The following CYP20A1 variants were observed in gnomAD, a reference collection of about 807,000 sequenced individuals.
CYP20A1 encodes cytochrome P450 20A1.
In CYP20A1, 61 loss-of-function variants were observed where a neutral mutation model predicts 61.4. The ratio of observed to expected loss-of-function variants is 0.99; its 90% CI spans 0.81 to 1.23. CYP20A1 has a LOEUF of 1.23. Among genes scored for constraint, CYP20A1 ranks in the 50% most tolerant of loss-of-function variants. The probability of loss-of-function intolerance (pLI) is 0.00; values close to 1 mark genes in which losing one functional copy is unlikely to be tolerated. For missense variants in CYP20A1, 530 were observed against 542.4 expected (o/e 0.98, Z 0.23); for synonymous variants, 193 against 188.2 (o/e 1.03, Z -0.21).
rs1023866480 is a variant in CYP20A1 at position 203,297,698 on chromosome 2, C to G, written c.*790C>G. ...CTCTATTAAAAATACAGAAAATTGG[C>G]CGGGTGCGGTGGCTCACCCCTGTAA... is the stretch of plus-strand genomic sequence containing the variant. On this transcript the variant is annotated 3_prime_UTR_variant, in exon 13 of 13. Coordinates refer to ENST00000356079, the MANE Select transcript of CYP20A1 (RefSeq NM_177538.3). The G allele has an allele frequency of 6.6e-6, 1 of 151,518 alleles. No homozygotes were observed. The highest frequency in any genetic ancestry group is 1.5e-5 in the Non-Finnish European group (1 of 67,936). 9.4% of individuals were successfully genotyped at this position (151,518 alleles called of 1,614,324 possible).
At position 203,301,954 on chromosome 2, in the gene CYP20A1, C is replaced by T. The variant is rs1303421974; in HGVS notation, c.*5046C>T. Among the ~76,000 whole-genome samples the T allele has an allele frequency of 1.4e-5, 2 of 146,056 alleles. No homozygotes were observed. The highest frequency in any genetic ancestry group is 5.1e-5 in the African/African-American group (2 of 39,504). On this transcript the variant is annotated 3_prime_UTR_variant, in exon 13 of 13. Coordinates refer to ENST00000356079, the MANE Select transcript of CYP20A1 (RefSeq NM_177538.3). ...TTTTTTTTGTTTTGAGACTGAGTCC[C>T]GCTGTCTATTGCCCAGGCTGGAGTG...
rs1440024160 is a variant in CYP20A1, at chr2:203,252,120, A to G, written c.432+11A>G. ...GCCCTCCTCCTAAAGGTAAGGTGAT[A>G]AGTAGTTTGGTCTAGTGTTCTACAA... On this transcript the variant is annotated intron_variant, in intron 4 of 12. Transcript: ENST00000356079. 2.5e-6 allele frequency: 4 copies of G among 1,599,620 alleles called. No homozygotes were observed. Among genetic ancestry groups the G allele is most frequent in the Non-Finnish European group, 3.4e-6 (4 of 1,171,828 alleles).
rs1393141796 is a variant in CYP20A1, at chr2:203,303,666, G to T, written c.*6758G>T. On this transcript the variant is annotated 3_prime_UTR_variant, in exon 13 of 13. Coordinates refer to ENST00000356079, the MANE Select transcript of CYP20A1 (RefSeq NM_177538.3). ...GCCGAGATCGCGCCATTGCACTCCA[G>T]TGTGGGTGACGAGCGAAAATCCGTC... Among the ~76,000 whole-genome samples, 1 of 151,964 alleles carries T rather than the reference G, an allele frequency of 6.6e-6. No homozygotes were observed. Among genetic ancestry groups the T allele is most frequent in the Admixed American group, 6.6e-5 (1 of 15,246 alleles).
At position 203,278,676 on chromosome 2, in the gene CYP20A1, T is replaced by C. The variant is rs753651617; in HGVS notation, c.783T>C (p.Leu261=). The C allele has an allele frequency of 6.5e-7, 1 of 1,541,896 alleles. No homozygotes were observed. The highest frequency in any genetic ancestry group is 8.8e-7 in the Non-Finnish European group (1 of 1,131,822). Residue 261 remains leucine, a synonymous_variant, in exon 7 of 13, where the codon CTT becomes CTC. Coordinates refer to ENST00000356079, the MANE Select transcript of CYP20A1 (RefSeq NM_177538.3). The part of the protein sequence containing the change: ...IFIDSLVQGN[L]NDQQILEDSM... ...TTGACTCCTTAGTACAAGGGAACCT[T>C]AATGACCAACAGGTGATATAATTGT... is the stretch of plus-strand genomic sequence containing the variant.
At chr2:203,265,965 C>T (rs1247778051) in intron 4 of CYP20A1, among the ~76,000 whole-genome samples, 2 of 152,140 alleles carry the variant, frequency 1.3e-5, no homozygotes, top group Non-Finnish European at 2.9e-5. Context: ...GCTAGGATTA[C>T]AGGTATGAAC....
At chr2:203,256,932 C>G (rs894969556) in intron 4 of CYP20A1, among the ~76,000 whole-genome samples, 22 of 152,182 alleles carry the variant, frequency 1.4e-4, no homozygotes, top group African/African-American at 4.8e-4. Context: ...ACTCCAGCCT[C>G]CAGTTTAGTT....
intron 5 of CYP20A1, among the ~76,000 whole-genome samples, chr2:203,267,904 A>G (rs2067396750): frequency 6.6e-6 from 1 of 150,892 alleles, no homozygotes. Context: ...CCAGTTGCTG[A>G]TATTTATCCT....
At chr2:203,268,863 C>T (rs941074662) in intron 5 of CYP20A1, among the ~76,000 whole-genome samples, 8 of 152,012 alleles carry the variant, frequency 5.3e-5, no homozygotes, top group African/African-American at 1.7e-4. Context: ...TGGCCATTGT[C>T]GAGTCATGCC....
intron 9 of CYP20A1, among the ~76,000 whole-genome samples, chr2:203,287,623 T>C (rs1045897888): frequency 4.6e-5 from 7 of 152,124 alleles, no homozygotes; most frequent in Non-Finnish European, 8.8e-5. Context: ...GGAGGATCAC[T>C]TGGGCCTGGG....
chr2:203,267,262 G>A (rs937409560), intron 5 of CYP20A1, among the ~76,000 whole-genome samples: 3 of 152,144 alleles, frequency 2.0e-5, no homozygotes, highest in African/African-American at 4.8e-5. Flanking sequence ...GCTGGTTGTG[G>A]TGGCTCACAC....
chr2:203,294,465 A>T (rs1193260554), intron 11 of CYP20A1, among the ~76,000 whole-genome samples: 1 of 151,956 alleles, frequency 6.6e-6, no homozygotes, highest in Non-Finnish European at 1.5e-5. Context: ...GGTTGCAGTG[A>T]GCCGAGGTCA....
chr2:203,290,708 T>A (rs1360439984), intron 10 of CYP20A1, among the ~76,000 whole-genome samples: 2 of 152,186 alleles, frequency 1.3e-5, no homozygotes, highest in Non-Finnish European at 2.9e-5. Flanking sequence ...AGTTGTGCAA[T>A]CTTGGCTCAC....
intron 10 of CYP20A1, among the ~76,000 whole-genome samples, chr2:203,290,810 T>C (rs561274756): frequency 1.2e-4 from 18 of 151,956 alleles, no homozygotes; most frequent in African/African-American, 4.3e-4. Flanking sequence ...GCCTGGCTGA[T>C]TTTTATATTT....
rs551099316 is a variant in CYP20A1, at chr2:203,247,059, G to A, written c.289+138G>A. The stretch of plus-strand genomic sequence containing the variant: ...GTGGATCACATGAGGCCAGGAGTTC[G>A]AGACCAGCCTGGCCAACATGGTGAA... On this transcript the variant is annotated intron_variant, in intron 3 of 12. Transcript: ENST00000356079. 5.2e-5 allele frequency: 38 copies of A among 726,944 alleles called. No individual in the cohort carries two copies. The African/African-American group carries it at 5.8e-4, about 11-fold the overall frequency. 45.0% of individuals were successfully genotyped at this position (726,944 alleles called of 1,614,324 possible). A position where few individuals can be genotyped will look rare whatever the true frequency, so the allele number is the denominator to read the frequency against.
At chr2:203,245,321 C>A (rs770991097) in intron 1 of CYP20A1, among the ~76,000 whole-genome samples, 1 of 149,898 alleles carries the variant, frequency 6.7e-6, no homozygotes, top group African/African-American at 2.5e-5. Context: ...CCACTGCGCT[C>A]GGCTGAAATC....
intron 1 of CYP20A1, among the ~76,000 whole-genome samples, chr2:203,239,991 G>T (rs2066194634): frequency 6.6e-6 from 1 of 152,180 alleles, no homozygotes; most frequent in African/African-American, 2.4e-5. Context: ...AGCTACTCAG[G>T]AGGCTGAGGC....
chr2:203,271,527 C>A (rs189458550), intron 5 of CYP20A1, among the ~76,000 whole-genome samples: 38 of 152,118 alleles, frequency 2.5e-4, no homozygotes, highest in Non-Finnish European at 2.2e-4. Flanking sequence ...TCCCTAAATT[C>A]TTTTTAGAAC....
At chr2:203,246,005 G>A (rs190143597) in intron 2 of CYP20A1, 110 bp downstream of exon 2, 89 of 716,598 alleles carry the variant, frequency 1.2e-4, no homozygotes, top group African/African-American at 1.2e-3. Context: ...TACTGAGGAG[G>A]TTGAGGTGGA....
intron 1 of CYP20A1, among the ~76,000 whole-genome samples, chr2:203,242,747 C>T (rs963540829): frequency 6.6e-6 from 1 of 151,488 alleles, no homozygotes; most frequent in South Asian, 2.1e-4. Flanking sequence ...GCCAAGATGG[C>T]GCCATTGCAC....
Sources: allele counts gnomAD v4.1 joint callset (sites outside exome capture counted in the v4.1 genomes callset), GRCh38; gene constraint gnomAD v4.1.1; transcripts MANE v1.5; gene names NCBI Gene and HGNC (gene_info 2026-07-23, HGNC 2026-07-21).